TRERF1: variants seen among roughly 807,000 people sequenced by gnomAD.
TRERF1 encodes the protein transcriptional regulating factor 1.
Under a neutral mutation model 122.9 loss-of-function variants are expected in TRERF1, and 27 were observed. That is an observed-to-expected ratio of 0.22 (90% confidence interval 0.16 to 0.30). TRERF1 has a LOEUF of 0.30. Among genes scored for constraint, TRERF1 ranks in the 10% least tolerant of loss-of-function variants. The pLI is 1.00. For synonymous variants in TRERF1, 636 were observed against 641.7 expected (o/e 0.99, Z 0.13); for missense variants, 1,248 against 1,560.3 (o/e 0.80, Z 3.37).
intron 3 of TRERF1, among the ~76,000 whole-genome samples, chr6:42,307,627 G>C (rs377370762): frequency 6.6e-6 from 1 of 151,118 alleles, no homozygotes; most frequent in East Asian, 2.0e-4. Flanking sequence ...CCCAGGACAA[G>C]TCAATGGCAA....
chr6:42,328,519 C>A (rs1245210258), intron 3 of TRERF1, among the ~76,000 whole-genome samples: 1 of 151,998 alleles, frequency 6.6e-6, no homozygotes, highest in Non-Finnish European at 1.5e-5. Flanking sequence ...TCAAGCAGGC[C>A]CCAGTGTCTG....
intron 3 of TRERF1, among the ~76,000 whole-genome samples, chr6:42,311,832 A>ATTCACTT (rs1259976095): frequency 6.7e-6 from 1 of 150,280 alleles, no homozygotes; most frequent in East Asian, 2.0e-4. Context: ...ATGGGGTCTG[A>ATTCACTT]TTCACTTTTC....
In TRERF1 at chr6:42,259,528, C is replaced by T. The variant is rs1035309043; in HGVS notation, c.2080G>A (p.Gly694Arg). Residue 694 changes from glycine (G) to arginine (R), a missense_variant, in exon 9 of 18, where the codon GGG becomes AGG. By Grantham distance (125) the Gly-to-Arg change is moderately radical (BLOSUM62 -2). Around this residue, in one of 5 missense-constraint regions of TRERF1, gnomAD observed 946 missense variants for 1,073.0 expected, o/e 0.88. Transcript: ENST00000372922. The surrounding 1 kb of genome is among the most constrained non-coding windows in gnomAD (Gnocchi z 4.9). ...GTGGGGTCCAGGAGCAGGTGGTCCC[C>T]GAGGACGCGCGGGGAGCGCAGCTGG... 7.4e-6 allele frequency: 12 copies of T among 1,613,076 alleles called. No individual in the cohort carries two copies. Among genetic ancestry groups the T allele is most frequent in the East Asian group, 2.2e-5 (1 of 44,874 alleles).
At position 42,320,773 on chromosome 6, in the gene TRERF1, G is replaced by A. The variant is rs149488473; in HGVS notation, c.-370-20024C>T. Reference sequence around the variant, plus strand: ...GATCCACCTGCCTCGGCCTCCCAAAGTGCTGGAATTACATGCGTAAGCCAC... The same window carrying A: ...GATCCACCTGCCTCGGCCTCCCAAAATGCTGGAATTACATGCGTAAGCCAC... On this transcript the variant is annotated intron_variant, in intron 3 of 17. Coordinates refer to ENST00000372922, the Ensembl canonical transcript of TRERF1. Among the ~76,000 whole-genome samples, 926 of 152,268 alleles carry A rather than the reference G, an allele frequency of 6.1e-3. 12 individuals are homozygous for A. The highest frequency in any genetic ancestry group is 0.021 in the African/African-American group (878 of 41,548).
chr6:42,294,461 T>A (rs1214250999), intron 4 of TRERF1, among the ~76,000 whole-genome samples: 1 of 152,116 alleles, frequency 6.6e-6, no homozygotes, highest in Non-Finnish European at 1.5e-5. Context: ...ATTACAGGCA[T>A]GAGCCACCGC....
chr6:42,423,628 A>C (rs1363939870), intron 2 of TRERF1, among the ~76,000 whole-genome samples: 2 of 152,238 alleles, frequency 1.3e-5, no homozygotes, highest in African/African-American at 2.4e-5. Context: ...AGTGATCAAA[A>C]AATACATTCG....
rs200453754 is a variant in TRERF1, at chr6:42,374,150, A to G, written c.-453-11071T>C. Among the ~76,000 whole-genome samples, 499 of 144,016 alleles carry G rather than the reference A, an allele frequency of 3.5e-3. 3 individuals are homozygous for G. The highest frequency in any genetic ancestry group is 0.01 in the East Asian group (45 of 4,300). The allele number at this position is 144,016 out of a possible 152,430, so 94.5% of individuals were successfully genotyped here. A position where few individuals can be genotyped will look rare whatever the true frequency, so the allele number is the denominator to read the frequency against. On this transcript the variant is annotated intron_variant, in intron 2 of 17. Coordinates refer to ENST00000372922, the Ensembl canonical transcript of TRERF1. Reference sequence around the variant, plus strand: ...CTGTCTTTTTTTTAAAAAAAAAAAAAAAGAAGAAGAAGAAGAAGAAGAAGA... The same window carrying G: ...CTGTCTTTTTTTTAAAAAAAAAAAAGAAGAAGAAGAAGAAGAAGAAGAAGA...
chr6:42,396,829 C>T (rs150670772), intron 2 of TRERF1, among the ~76,000 whole-genome samples: 23 of 152,266 alleles, frequency 1.5e-4, no homozygotes, highest in African/African-American at 5.5e-4. Context: ...CTAGAAGGAC[C>T]CAGACTTCAG....
intron 2 of TRERF1, among the ~76,000 whole-genome samples, chr6:42,370,576 G>A (rs773844143): frequency 2.0e-5 from 3 of 152,122 alleles, no homozygotes; most frequent in Non-Finnish European, 4.4e-5. Context: ...TCTGATGTCC[G>A]AAACCTACAT....
At chr6:42,387,817 T>G (rs1262728171) in intron 2 of TRERF1, among the ~76,000 whole-genome samples, 3 of 152,088 alleles carry the variant, frequency 2.0e-5, no homozygotes, top group Non-Finnish European at 4.4e-5. Flanking sequence ...TTATTTTATT[T>G]TATTTTTTGA....
In TRERF1 at chr6:42,259,347, C is replaced by T; in HGVS notation, c.2261G>A (p.Cys754Tyr). ...CTAAAGGGGTGACTCACTGGAGCGACACAGCAGCACCCGTGGTGTGGGCGT... is the reference window on the plus strand; with the variant it reads ...CTAAAGGGGTGACTCACTGGAGCGATACAGCAGCACCCGTGGTGTGGGCGT... Residue 754 changes from cysteine to tyrosine, a missense_variant, in exon 9 of 18, where the codon TGT becomes TAT. Physicochemically the swap from Cys to Tyr is radical, Grantham distance 194 (BLOSUM62 -2). Transcript: ENST00000372922. This position sits in a 1 kb window ranked among gnomAD's most constrained non-coding sequence, Gnocchi z 4.9. 1.3e-6 allele frequency: 2 copies of T among 1,503,618 alleles called. No individual in the cohort carries two copies. The highest frequency in any genetic ancestry group is 1.8e-6 in the Non-Finnish European group (2 of 1,136,744). The allele number at this position is 1,503,618 out of a possible 1,614,324, so 93.1% of individuals were successfully genotyped here.
chr6:42,383,418 CT>C, intron 2 of TRERF1, among the ~76,000 whole-genome samples: 2 of 152,194 alleles, frequency 1.3e-5, no homozygotes, highest in South Asian at 4.1e-4. Flanking sequence ...TGGATACCCC[CT>C]AACACCCCCT....
chr6:42,428,014 A>C (rs1411375655), intron 2 of TRERF1, among the ~76,000 whole-genome samples: 1 of 152,182 alleles, frequency 6.6e-6, no homozygotes, highest in Non-Finnish European at 1.5e-5. Context: ...GCAGTGGGAA[A>C]CAGCTGGTAA....
intron 4 of TRERF1, among the ~76,000 whole-genome samples, chr6:42,297,161 T>C (rs943451716): frequency 1.3e-5 from 2 of 152,128 alleles, no homozygotes; most frequent in Non-Finnish European, 2.9e-5. Flanking sequence ...TGTGAAGAAA[T>C]AGAAATTCCT....
chr6:42,362,374 A>G (rs1771933308), intron 3 of TRERF1, among the ~76,000 whole-genome samples: 1 of 152,252 alleles, frequency 6.6e-6, no homozygotes, highest in Non-Finnish European at 1.5e-5. Context: ...ACTGTCGCCA[A>G]GAATGTGTGG....
intron 2 of TRERF1, among the ~76,000 whole-genome samples, chr6:42,448,490 C>A (rs1228512895): frequency 6.6e-6 from 1 of 152,102 alleles, no homozygotes; most frequent in Non-Finnish European, 1.5e-5. Context: ...TCTGGAATAC[C>A]AAGGATCAAA....
At chr6:42,337,685 C>T (rs1451470085) in intron 3 of TRERF1, among the ~76,000 whole-genome samples, 1 of 152,116 alleles carries the variant, frequency 6.6e-6, no homozygotes, top group Non-Finnish European at 1.5e-5. Flanking sequence ...GACACACAGC[C>T]TTCTAATGGG....
At chr6:42,420,739 C>T (rs1212731480) in intron 2 of TRERF1, among the ~76,000 whole-genome samples, 1 of 151,964 alleles carries the variant, frequency 6.6e-6, no homozygotes, top group Non-Finnish European at 1.5e-5. Flanking sequence ...GAATCAAACC[C>T]AGGAGTTGGG....
intron 2 of TRERF1, among the ~76,000 whole-genome samples, chr6:42,395,016 C>T (rs1167099396): frequency 6.6e-6 from 1 of 152,236 alleles, no homozygotes; most frequent in Admixed American, 6.5e-5. Context: ...TCATAAAATT[C>T]TCATCTGTAA....
Sources: gnomAD v4.1 joint callset for allele counts (sites outside exome capture counted in the v4.1 genomes callset) on GRCh38, gnomAD v4.1.1 for gene constraint, gnomAD v4.1.1 regional missense constraint, Gnocchi (gnomAD v3.1) non-coding constraint, MANE v1.5 for transcripts, NCBI Gene and HGNC (gene_info 2026-07-23, HGNC 2026-07-21) for gene names.